The following WDFY3 variants were observed in gnomAD, a reference collection of about 807,000 sequenced individuals.
WDFY3 encodes the protein WD repeat and FYVE domain-containing protein 3.
Under a neutral mutation model 409.6 loss-of-function variants are expected in WDFY3, and 66 were observed. The ratio of observed to expected loss-of-function variants is 0.16; its 90% confidence interval spans 0.13 to 0.20. WDFY3 has a LOEUF of 0.20. Among genes scored for constraint, WDFY3 ranks in the 10% least tolerant of loss-of-function variants. The pLI is 1.00. For synonymous variants in WDFY3, 1,521 were observed against 1,537.1 expected (o/e 0.99, Z 0.25); for missense variants, 3,031 against 4,298.1 (o/e 0.71, Z 8.24).
chr4:84,804,142 A>G (rs769092017), intron 15 of WDFY3: 2 of 152,232 alleles, frequency 1.3e-5, no homozygotes, highest in Non-Finnish European at 2.9e-5. Context: ...AAGCCCAGCC[A>G]TGTCCTGAAT....
chr4:84,843,311 A>G (rs1757637836), intron 5 of WDFY3, among the ~76,000 whole-genome samples: 1 of 152,224 alleles, frequency 6.6e-6, no homozygotes, highest in Admixed American at 6.5e-5. Context: ...AAAGAATAGC[A>G]TAACTGTATC....
At chr4:84,915,385 G>T (rs1437445347) in intron 2 of WDFY3, among the ~76,000 whole-genome samples, 2 of 152,100 alleles carry the variant, frequency 1.3e-5, no homozygotes, top group African/African-American at 4.8e-5. Flanking sequence ...TATTATTCCT[G>T]AAACAGAATT....
chr4:84,682,672 T>C, intron 63 of WDFY3: 3 of 557,082 alleles, frequency 5.4e-6, no homozygotes, highest in Non-Finnish European at 9.7e-6. Flanking sequence ...GGGAAAAAGA[T>C]TATAGTCATA....
chr4:84,731,775 G>T (rs557123041), intron 44 of WDFY3, among the ~76,000 whole-genome samples: 2 of 152,240 alleles, frequency 1.3e-5, no homozygotes, highest in South Asian at 2.1e-4. Flanking sequence ...TTATTATAAG[G>T]AAGGAAAGGA....
At chr4:84,860,740 T>C in intron 3 of WDFY3, 118 bp from the exon 4 acceptor site, 1 of 925,586 alleles carries the variant, frequency 1.1e-6, no homozygotes, top group Non-Finnish European at 1.4e-6. Flanking sequence ...AAAATATATC[T>C]TTCTACTTCT....
At chr4:84,763,308 C>A (rs1371755868) in intron 32 of WDFY3, among the ~76,000 whole-genome samples, 1 of 151,964 alleles carries the variant, frequency 6.6e-6, no homozygotes, top group South Asian at 2.1e-4. Context: ...CATGTTCTCA[C>A]TCATAAGTGG....
chr4:84,672,273 A>C lies in WDFY3; in HGVS notation c.*595T>G, dbSNP rs911028357. The C allele has an allele frequency of 2.6e-5, 4 of 152,210 alleles. No individual in the cohort carries two copies. Among genetic ancestry groups the C allele is most frequent in the African/African-American group, 9.7e-5 (4 of 41,442 alleles). 9.4% of individuals were successfully genotyped at this position (152,210 alleles called of 1,614,324 possible). A position where few individuals can be genotyped will look rare whatever the true frequency, so the allele number is the denominator to read the frequency against. On this transcript the variant is annotated 3_prime_UTR_variant, in exon 68 of 68. Coordinates refer to ENST00000295888, the MANE Select transcript of WDFY3 (RefSeq NM_014991.6). Reference sequence around the variant, plus strand: ...CACAGGCTGAGCTTGAAAGGAAAAAAAGACCACAGATAATGTCTTTGGGGA... The same window carrying C: ...CACAGGCTGAGCTTGAAAGGAAAAACAGACCACAGATAATGTCTTTGGGGA...
chr4:84,717,921 G>A (rs1477287827), intron 48 of WDFY3, among the ~76,000 whole-genome samples: 6 of 151,584 alleles, frequency 4.0e-5, no homozygotes, highest in East Asian at 1.9e-4. Context: ...GGTGGCGGGC[G>A]CCTGTAGTCC....
At chr4:84,757,193 A>T (rs756299302) in intron 32 of WDFY3, 32 bp from the exon 33 acceptor site, 2 of 1,589,526 alleles carry the variant, frequency 1.3e-6, no homozygotes, top group Admixed American at 3.4e-5. Context: ...AGTAAGTGCA[A>T]AATCAGCAAC....
chr4:84,684,675 G>T (rs1383556468), intron 62 of WDFY3, among the ~76,000 whole-genome samples: 1 of 152,098 alleles, frequency 6.6e-6, no homozygotes, highest in East Asian at 1.9e-4. Flanking sequence ...AATAGGGGTG[G>T]GGGAATGTGG....
chr4:84,888,403 A>G (rs1764503349), intron 3 of WDFY3, among the ~76,000 whole-genome samples: 1 of 152,204 alleles, frequency 6.6e-6, no homozygotes, highest in Admixed American at 6.6e-5. Flanking sequence ...ATGTCATTTA[A>G]TGAGTTATGA....
intron 32 of WDFY3, among the ~76,000 whole-genome samples, chr4:84,765,149 G>A (rs1003216074): frequency 6.6e-6 from 1 of 152,074 alleles, no homozygotes; most frequent in Admixed American, 6.5e-5. Flanking sequence ...TTTAAATAAA[G>A]ACAGTATCTT....
intron 3 of WDFY3, among the ~76,000 whole-genome samples, chr4:84,879,238 C>T (rs1763172307): frequency 6.6e-6 from 1 of 152,192 alleles, no homozygotes; most frequent in Non-Finnish European, 1.5e-5. Context: ...ACCCTTGATG[C>T]TTCTCCCAGA....
intron 10 of WDFY3, among the ~76,000 whole-genome samples, chr4:84,826,356 C>T (rs1256999286): frequency 2.0e-5 from 3 of 152,002 alleles, no homozygotes; most frequent in African/African-American, 7.2e-5. Flanking sequence ...AAATACTATA[C>T]CATTTTATAT....
intron 3 of WDFY3, among the ~76,000 whole-genome samples, chr4:84,892,470 T>C (rs1400604010): frequency 6.6e-6 from 1 of 152,158 alleles, no homozygotes; most frequent in Non-Finnish European, 1.5e-5. Context: ...TAATATCAAA[T>C]ATCCAATGTT....
chr4:84,728,136 CA>C (rs1292535558), intron 44 of WDFY3, among the ~76,000 whole-genome samples: 7 of 151,782 alleles, frequency 4.6e-5, no homozygotes, highest in Admixed American at 2.0e-4. Context: ...GAATTGTAAA[CA>C]AATACTGAAC....
intron 67 of WDFY3, among the ~76,000 whole-genome samples, chr4:84,676,268 C>T (rs777726447): frequency 1.3e-5 from 2 of 152,022 alleles, no homozygotes; most frequent in Non-Finnish European, 2.9e-5. Flanking sequence ...AGCCAACAAA[C>T]ATGAAAAGAT....
Position 84,743,749 on chromosome 4 carries a change from G to A in WDFY3, c.6024C>T (p.Tyr2008=), listed in dbSNP as rs1279253579. Residue 2008 remains tyrosine (Y), a synonymous_variant, in exon 37 of 68, where the codon TAC becomes TAT. Transcript: ENST00000295888. ...AATGGTCCATCACGCTATCCAAAAT[G>A]TAAGTTTGAAATTCTTTTTGCTGAG... ...TRTQQKEFQT[Y]ILDSVMDHLL... 2 of 1,597,450 alleles carry A rather than the reference G, an allele frequency of 1.3e-6. No individual in the cohort carries two copies. The highest frequency in any genetic ancestry group is 1.1e-5 in the South Asian group (1 of 88,956).
At chr4:84,769,580 A>C (rs548709997) in intron 30 of WDFY3, among the ~76,000 whole-genome samples, 66 of 151,786 alleles carry the variant, frequency 4.3e-4, no homozygotes, top group Non-Finnish European at 6.8e-4. Flanking sequence ...ATGCCCGGCT[A>C]ATTTTTTTTG....
Sources: gnomAD v4.1 joint callset for allele counts (sites outside exome capture counted in the v4.1 genomes callset) on GRCh38, gnomAD v4.1.1 for gene constraint, MANE v1.5 for transcripts, NCBI Gene and HGNC (gene_info 2026-07-23, HGNC 2026-07-21) for gene names.